Variants in OSBPL10 observed in about 807,000 individuals in gnomAD.
The protein encoded by OSBPL10 is oxysterol binding protein like 10, also known as oxysterol-binding protein-related protein 10.
Under a neutral mutation model 81.7 loss-of-function variants are expected in OSBPL10, and 49 were observed. The ratio of observed to expected loss-of-function variants is 0.60; its 90% CI spans 0.48 to 0.76. The LOEUF (loss-of-function observed/expected upper bound fraction) is 0.76. OSBPL10 is among the 30% of genes least tolerant of loss of function. The pLI, the probability that OSBPL10 is intolerant of heterozygous loss-of-function variation, is 0.00. For synonymous variants in OSBPL10, 419 were observed against 383.6 expected (o/e 1.09, Z -1.08); for missense variants, 923 against 987.8 (o/e 0.93, Z 0.88).
At chr3:31,931,918 T>C in intron 1 of OSBPL10, among the ~76,000 whole-genome samples, 1 of 152,116 alleles carries the variant, frequency 6.6e-6, no homozygotes, top group East Asian at 1.9e-4. Flanking sequence ...GGTGTGTGCC[T>C]ATGGTCCCAG....
chr3:31,801,778 T>C (rs1699386633), intron 4 of OSBPL10, among the ~76,000 whole-genome samples: 2 of 152,142 alleles, frequency 1.3e-5, no homozygotes, highest in Admixed American at 1.3e-4. Context: ...GGTCAGACTA[T>C]CACCTCTCTG....
chr3:31,936,726 C>T (rs1049429094), intron 1 of OSBPL10, among the ~76,000 whole-genome samples: 2 of 152,056 alleles, frequency 1.3e-5, no homozygotes, highest in East Asian at 3.9e-4. Context: ...ATACATAAAA[C>T]TTCCATGAAA....
intron 1 of OSBPL10, among the ~76,000 whole-genome samples, chr3:31,899,796 C>T (rs1696178517): frequency 6.6e-6 from 1 of 152,118 alleles, no homozygotes; most frequent in Non-Finnish European, 1.5e-5. Flanking sequence ...GCTTGGGCAA[C>T]AGAGTGAGAC....
At chr3:31,987,110 G>A (rs936251360) in intron 2 of OSBPL10, among the ~76,000 whole-genome samples, 7 of 135,104 alleles carry the variant, frequency 5.2e-5, no homozygotes, top group Admixed American at 1.5e-4. Flanking sequence ...ATATATGTAT[G>A]TGTATACACA....
chr3:31,725,166 A>G (rs914744964), intron 6 of OSBPL10, among the ~76,000 whole-genome samples: 1 of 152,256 alleles, frequency 6.6e-6, no homozygotes, highest in Non-Finnish European at 1.5e-5. Flanking sequence ...GCTCCATTCA[A>G]TGCCCACTAT....
chr3:31,821,541 C>T (rs189360352), intron 4 of OSBPL10, among the ~76,000 whole-genome samples: 3 of 152,312 alleles, frequency 2.0e-5, no homozygotes, highest in Admixed American at 6.5e-5. Flanking sequence ...CACTCTATTG[C>T]TTTAAAAACA....
intron 7 of OSBPL10, among the ~76,000 whole-genome samples, chr3:31,693,368 A>T (rs975358588): frequency 6.6e-6 from 1 of 152,246 alleles, no homozygotes; most frequent in Admixed American, 6.5e-5. Context: ...TATGCCTAAG[A>T]AGATGTTCAC....
intron 4 of OSBPL10, among the ~76,000 whole-genome samples, chr3:31,775,973 AG>A (rs1450375419): frequency 6.6e-6 from 1 of 152,120 alleles, no homozygotes; most frequent in African/African-American, 2.4e-5. Context: ...AAAGGGTCTC[AG>A]GAGTTGAAGG....
At chr3:31,740,780 AAAAAAAAG>A (rs1163998042) in intron 5 of OSBPL10, among the ~76,000 whole-genome samples, 2 of 146,878 alleles carry the variant, frequency 1.4e-5, no homozygotes, top group African/African-American at 2.7e-5. Flanking sequence ...TCCGTATCTC[AAAAAAAAG>A]AAAAAAAGAA....
At chr3:32,010,574 G>A (rs1027175671) in intron 2 of OSBPL10, among the ~76,000 whole-genome samples, 1 of 152,176 alleles carries the variant, frequency 6.6e-6, no homozygotes, top group East Asian at 1.9e-4. Context: ...CATCTCACTG[G>A]GGATTGTCGG....
intron 1 of OSBPL10, among the ~76,000 whole-genome samples, chr3:31,934,465 A>G (rs999488686): frequency 6.6e-6 from 1 of 150,520 alleles, no homozygotes; most frequent in Non-Finnish European, 1.5e-5. Context: ...CTGGAGTGCA[A>G]TGGCACAATC....
chr3:31,687,219 G>A (rs756743770), intron 7 of OSBPL10, among the ~76,000 whole-genome samples: 14 of 152,054 alleles, frequency 9.2e-5, no homozygotes, highest in Non-Finnish European at 1.9e-4. Flanking sequence ...GCCCTGATGG[G>A]TATAACTTCA....
intron 4 of OSBPL10, among the ~76,000 whole-genome samples, chr3:31,750,390 G>A (rs189848019): frequency 6.6e-6 from 1 of 152,266 alleles, no homozygotes; most frequent in East Asian, 1.9e-4. Context: ...CCTACCTATT[G>A]AATGAATGAA....
At chr3:31,733,587 T>C (rs562158621) in intron 5 of OSBPL10, among the ~76,000 whole-genome samples, 176 bp from the exon 6 acceptor site, 1 of 152,108 alleles carries the variant, frequency 6.6e-6, no homozygotes, top group Non-Finnish European at 1.5e-5. Context: ...GTTGATGAAC[T>C]AGTTTCTGTA....
chr3:31,778,089 A>G (rs1303583464), intron 4 of OSBPL10, among the ~76,000 whole-genome samples: 1 of 152,208 alleles, frequency 6.6e-6, no homozygotes, highest in African/African-American at 2.4e-5. Context: ...GCAGATGGGG[A>G]AGGGTGGGGC....
intron 6 of OSBPL10, among the ~76,000 whole-genome samples, chr3:31,718,539 C>T (rs766621846): frequency 3.9e-5 from 6 of 152,170 alleles, no homozygotes; most frequent in East Asian, 1.9e-4. Flanking sequence ...ATTCTCTACT[C>T]CTGAACACAT....
chr3:31,854,111 T>TCATGATATATA (rs1700844279), intron 3 of OSBPL10, among the ~76,000 whole-genome samples: 1 of 151,998 alleles, frequency 6.6e-6, no homozygotes, highest in South Asian at 2.1e-4. Flanking sequence ...CAACCTTCTT[T>TCATGATATATA]CATGATATAT....
chr3:31,935,386 G>A (rs1697356261), intron 1 of OSBPL10, among the ~76,000 whole-genome samples: 2 of 151,592 alleles, frequency 1.3e-5, no homozygotes, highest in Non-Finnish European at 2.9e-5. Flanking sequence ...ATTTCTCAAA[G>A]TTATTTGAAC....
intron 1 of OSBPL10, chr3:31,907,006 C>T (rs936170998): frequency 1.3e-5 from 2 of 152,214 alleles, no homozygotes; most frequent in Non-Finnish European, 2.9e-5. Flanking sequence ...ATTACACAGT[C>T]TGCCTCTGAA....
Sources: gnomAD v4.1 joint callset for allele counts (sites outside exome capture counted in the v4.1 genomes callset) on GRCh38, gnomAD v4.1.1 for gene constraint, MANE v1.5 for transcripts, NCBI Gene and HGNC (gene_info 2026-07-23, HGNC 2026-07-21) for gene names.